The following RBFOX1 variants were observed in gnomAD, a reference collection of about 807,000 sequenced individuals.
RBFOX1 encodes RNA binding fox-1 homolog 1.
Under a neutral mutation model 57.7 loss-of-function variants are expected in RBFOX1, and 8 were observed. That is an observed-to-expected ratio of 0.14 (90% CI 0.08 to 0.25). The LOEUF (loss-of-function observed/expected upper bound fraction) is 0.25. Ranked by LOEUF, RBFOX1 falls within the 10% of genes least tolerant of loss-of-function variation. The pLI, the probability that RBFOX1 is intolerant of heterozygous loss-of-function variation, is 1.00. For synonymous variants in RBFOX1, 326 were observed against 222.4 expected, an observed-to-expected ratio of 1.47 and a Z score of -4.15; for missense variants, 611 against 548.5, an observed-to-expected ratio of 1.11 and a Z score of -1.14.
Position 6,189,292 on chromosome 16 carries a change from G to T in RBFOX1, c.-126-127703G>T, listed in dbSNP as rs553129689. On this transcript the variant is annotated intron_variant, in intron 1 of 15. Transcript: ENST00000550418. ...GAGCTTACCAAAGGACTGGAAAGGGGGCCCTGGAGTCCGCATCAGGACACT... is the reference window on the plus strand; with the variant it reads ...GAGCTTACCAAAGGACTGGAAAGGGTGCCCTGGAGTCCGCATCAGGACACT... 3.9e-5 allele frequency among the ~76,000 whole-genome samples: 6 copies of T among 152,348 alleles called. No individual in the cohort carries two copies. The South Asian group carries it at 1.0e-3, about 26-fold the overall frequency.
intron 3 of RBFOX1, among the ~76,000 whole-genome samples, chr16:6,827,331 T>G (rs527463335): frequency 1.1e-4 from 16 of 152,226 alleles, no homozygotes; most frequent in African/African-American, 3.1e-4. Flanking sequence ...ATAAAGCAAG[T>G]AAATCCATTA....
At chr16:7,358,793 C>T (rs541450654) in intron 4 of RBFOX1, among the ~76,000 whole-genome samples, 53 of 152,186 alleles carry the variant, frequency 3.5e-4, no homozygotes, top group African/African-American at 1.3e-3. Context: ...TGACAAAGCC[C>T]AGAAAGTAGC....
At chr16:6,652,305 G>A (rs903835188) in intron 2 of RBFOX1, among the ~76,000 whole-genome samples, 2 of 152,094 alleles carry the variant, frequency 1.3e-5, no homozygotes, top group African/African-American at 2.4e-5. Context: ...AAAATTAGTT[G>A]GGGGTTGTGG....
intron 4 of RBFOX1, among the ~76,000 whole-genome samples, chr16:7,336,516 T>A (rs2096790897): frequency 6.6e-6 from 1 of 152,254 alleles, no homozygotes. Context: ...AGTTATCCAT[T>A]CACTGTATAC....
At chr16:6,318,483 G>T (rs1413652070) in intron 2 of RBFOX1, among the ~76,000 whole-genome samples, 2 of 152,142 alleles carry the variant, frequency 1.3e-5, no homozygotes, top group Non-Finnish European at 2.9e-5. Context: ...CTTTGTTGGT[G>T]CTTGGGCAGG....
At chr16:6,764,654 G>A (rs1603617388) in intron 3 of RBFOX1, among the ~76,000 whole-genome samples, 1 of 152,254 alleles carries the variant, frequency 6.6e-6, no homozygotes, top group African/African-American at 2.4e-5. Flanking sequence ...GTAAATGCAT[G>A]GGCTGGGTGC....
At chr16:6,115,547 T>C (rs2096488816) in intron 1 of RBFOX1, among the ~76,000 whole-genome samples, 2 of 152,162 alleles carry the variant, frequency 1.3e-5, no homozygotes, top group South Asian at 4.1e-4. Context: ...ACGTCTGTTT[T>C]TTTTCCCCTC....
chr16:6,303,026 G>A (rs1052775533), intron 1 of RBFOX1, among the ~76,000 whole-genome samples: 1 of 152,130 alleles, frequency 6.6e-6, no homozygotes, highest in Non-Finnish European at 1.5e-5. Context: ...GATTCTGTTG[G>A]GATATGATGC....
At chr16:5,716,823 T>A (rs1246717321) in intron 3 of RBFOX1, among the ~76,000 whole-genome samples, 1 of 152,218 alleles carries the variant, frequency 6.6e-6, no homozygotes, top group Non-Finnish European at 1.5e-5. Flanking sequence ...TTGTCCCAGG[T>A]TGCATGACCA....
chr16:6,820,175 T>C (rs1253286025), intron 3 of RBFOX1, among the ~76,000 whole-genome samples: 1 of 152,188 alleles, frequency 6.6e-6, no homozygotes, highest in Non-Finnish European at 1.5e-5. Flanking sequence ...ATACCTTTGC[T>C]TCTCCTTCAC....
At chr16:6,804,271 G>A (rs1353589059) in intron 3 of RBFOX1, among the ~76,000 whole-genome samples, 1 of 151,784 alleles carries the variant, frequency 6.6e-6, no homozygotes, top group African/African-American at 2.4e-5. Context: ...GCCTCCCAAA[G>A]TCCTGGGATT....
downstream of RBFOX1, among the ~76,000 whole-genome samples, chr16:5,600,935 A>C (rs974730518): frequency 6.6e-6 from 1 of 152,122 alleles, no homozygotes; most frequent in East Asian, 1.9e-4. Context: ...TAGGAAACCA[A>C]AACTCAAAGT....
At chr16:6,594,784 G>C (rs372675744) in intron 2 of RBFOX1, among the ~76,000 whole-genome samples, 1 of 151,956 alleles carries the variant, frequency 6.6e-6, no homozygotes, top group Non-Finnish European at 1.5e-5. Flanking sequence ...GTACACTTCA[G>C]TGTTTTTTGT....
intron 5 of RBFOX1, among the ~76,000 whole-genome samples, chr16:7,522,613 G>T (rs1292332815): frequency 6.6e-6 from 1 of 152,192 alleles, no homozygotes. Flanking sequence ...CATCTGAGAA[G>T]CAAAGAAGTC....
chr16:6,533,882 C>G (rs1032413626), intron 2 of RBFOX1, among the ~76,000 whole-genome samples: 25 of 152,002 alleles, frequency 1.6e-4, no homozygotes, highest in Admixed American at 4.6e-4. Context: ...GACAGACTTC[C>G]TCAAAATTAA....
intron 3 of RBFOX1, among the ~76,000 whole-genome samples, chr16:6,882,469 T>G (rs1459322090): frequency 6.6e-6 from 1 of 152,088 alleles, no homozygotes; most frequent in African/African-American, 2.4e-5. Flanking sequence ...TGGTACGTGC[T>G]TGTAATCCCA....
intron 4 of RBFOX1, among the ~76,000 whole-genome samples, chr16:7,194,009 CATA>C (rs2086076139): frequency 1.3e-5 from 2 of 151,512 alleles, no homozygotes; most frequent in African/African-American, 4.9e-5. Context: ...TAAGCCGTAT[CATA>C]TTATTATGGA....
intron 4 of RBFOX1, among the ~76,000 whole-genome samples, chr16:7,097,148 T>C (rs2061841935): frequency 1.3e-5 from 2 of 152,078 alleles, no homozygotes; most frequent in African/African-American, 4.8e-5. Context: ...GTATTGTGAA[T>C]GGTGACTTCG....
intron 5 of RBFOX1, among the ~76,000 whole-genome samples, chr16:7,545,862 C>T (rs563017035): frequency 1.3e-5 from 2 of 151,966 alleles, no homozygotes; most frequent in African/African-American, 4.8e-5. Context: ...GTCTCTGCAT[C>T]GGGGGAGCAG....
Sources: allele counts gnomAD v4.1 joint callset (sites outside exome capture counted in the v4.1 genomes callset), GRCh38; gene constraint gnomAD v4.1.1; transcripts MANE v1.5; gene names NCBI Gene and HGNC (gene_info 2026-07-23, HGNC 2026-07-21).